The following BAIAP2L1 variants were observed in gnomAD, a reference collection of about 807,000 sequenced individuals.
BAIAP2L1 encodes BAR/IMD domain-containing adapter protein 2-like 1.
BAIAP2L1 carries 35 observed loss-of-function variants against 66.3 expected under a neutral mutation model. That is an observed-to-expected ratio of 0.53 (90% confidence interval 0.40 to 0.70). The LOEUF (loss-of-function observed/expected upper bound fraction) is 0.70, where lower values mean the gene tolerates loss of function less well. BAIAP2L1 is among the 30% of genes least tolerant of loss of function. The pLI, the probability that BAIAP2L1 is intolerant of heterozygous loss-of-function variation, is 0.00. For missense variants in BAIAP2L1, 622 were observed against 656.9 expected (o/e 0.95, Z 0.58); for synonymous variants, 269 against 248.7 (o/e 1.08, Z -0.77).
At chr7:98,374,037 T>C (rs1174997577) in intron 1 of BAIAP2L1, among the ~76,000 whole-genome samples, 2 of 152,140 alleles carry the variant, frequency 1.3e-5, no homozygotes, top group Non-Finnish European at 2.9e-5. Flanking sequence ...ACTGCAGCCT[T>C]GACCTCCTGA....
Position 98,310,579 on chromosome 7 carries a change from T to C in BAIAP2L1, c.821A>G (p.Tyr274Cys). ...TGGTGAGCATTTAGAAAGGGTGTCG[T>C]AATCTTTCCTAACCTGTGAAAAATT... ...IERSNVVRKD[Y>C]DTLSKCSPKM... The change falls in exon 9 of 14, where the codon TAC becomes TGC. Residue 274 changes from tyrosine (Y) to cysteine (C), a missense_variant. Tyr to Cys is a radical substitution (Grantham distance 194, BLOSUM62 -2). Transcript: ENST00000005260. The C allele has an allele frequency of 6.3e-7, 1 of 1,588,774 alleles. No individual in the cohort carries two copies. Among genetic ancestry groups the C allele is most frequent in the Non-Finnish European group, 8.5e-7 (1 of 1,172,674 alleles).
chr7:98,379,769 C>T (rs138224036), intron 1 of BAIAP2L1, among the ~76,000 whole-genome samples: 1 of 152,120 alleles, frequency 6.6e-6, no homozygotes, highest in African/African-American at 2.4e-5. Context: ...AGACACTCTA[C>T]AACATAGATA....
At chr7:98,379,319 G>A (rs769118720) in intron 1 of BAIAP2L1, among the ~76,000 whole-genome samples, 8 of 152,134 alleles carry the variant, frequency 5.3e-5, no homozygotes, top group Non-Finnish European at 1.0e-4. Context: ...CTGCACCCAC[G>A]GACGAACCAG....
chr7:98,310,555 G>A lies in BAIAP2L1; in HGVS notation c.845C>T (p.Pro282Leu). ...GCCTGAAGGAGCGGGGGGCATCTTTGGTGAGCATTTAGAAAGGGTGTCGTA... is the reference window on the plus strand; with the variant it reads ...GCCTGAAGGAGCGGGGGGCATCTTTAGTGAGCATTTAGAAAGGGTGTCGTA... ...KDYDTLSKCS[P>L]KMPPAPSGRA... is the part of the protein sequence containing the mutation. Residue 282 changes from proline (P) to leucine (L), a missense_variant, in exon 9 of 14, where the codon CCA becomes CTA. Physicochemically the swap from Pro to Leu is moderately conservative, Grantham distance 98. Coordinates refer to ENST00000005260, the MANE Select transcript of BAIAP2L1 (RefSeq NM_018842.5). 6.3e-7 allele frequency: 1 copy of A among 1,591,256 alleles called. No individual in the cohort carries two copies. The highest frequency in any genetic ancestry group is 8.5e-7 in the Non-Finnish European group (1 of 1,173,630).
chr7:98,332,819 A>AAG, intron 3 of BAIAP2L1, among the ~76,000 whole-genome samples: 1 of 151,068 alleles, frequency 6.6e-6, no homozygotes, highest in East Asian at 1.9e-4. Context: ...CAAAAAAAAA[A>AAG]AAAAAAAAAA....
intron 3 of BAIAP2L1, among the ~76,000 whole-genome samples, chr7:98,347,631 C>T (rs1006135207): frequency 6.6e-5 from 10 of 151,980 alleles, no homozygotes; most frequent in Non-Finnish European, 1.3e-4. Flanking sequence ...AAAAATTAGC[C>T]GGGCGCCGTG....
At chr7:98,385,203 G>A (rs1169267221) in intron 1 of BAIAP2L1, among the ~76,000 whole-genome samples, 1 of 151,782 alleles carries the variant, frequency 6.6e-6, no homozygotes, top group Non-Finnish European at 1.5e-5. Flanking sequence ...AGCTACTCAG[G>A]AGGCAGAGGT....
rs546676078 is a variant in BAIAP2L1, at chr7:98,393,622, C to T, written c.51+7180G>A. 4.3e-3 allele frequency among the ~76,000 whole-genome samples: 658 copies of T among 151,798 alleles called. 1 individual carries two copies. Among genetic ancestry groups the T allele is most frequent in the African/African-American group, 0.015 (623 of 41,466 alleles). On this transcript the variant is annotated intron_variant, in intron 1 of 13. Coordinates refer to ENST00000005260, the MANE Select transcript of BAIAP2L1 (RefSeq NM_018842.5). ...ACGCCATTCTCCCGCCTCAGCCTCC[C>T]GAGTAGCTGGGACTACAGCCTCCCG...
At chr7:98,323,984 G>A (rs1444435745) in intron 3 of BAIAP2L1, among the ~76,000 whole-genome samples, 1 of 152,090 alleles carries the variant, frequency 6.6e-6, no homozygotes, top group Admixed American at 6.5e-5. Flanking sequence ...CTCTTAGTTC[G>A]GTAACCTACT....
chr7:98,339,969 G>A (rs956839812), intron 3 of BAIAP2L1, among the ~76,000 whole-genome samples: 1 of 152,122 alleles, frequency 6.6e-6, no homozygotes, highest in Non-Finnish European at 1.5e-5. Flanking sequence ...CTTGGCCAGC[G>A]GTCCTTTGGC....
chr7:98,357,801 C>T (rs1010546953), intron 2 of BAIAP2L1, among the ~76,000 whole-genome samples: 2 of 152,104 alleles, frequency 1.3e-5, no homozygotes, highest in Admixed American at 6.6e-5. Context: ...CAGCCCGTTG[C>T]GCTAAGGGCA....
In BAIAP2L1 at chr7:98,295,019, CTG is replaced by C. The variant is rs773163028; in HGVS notation, c.1423-910_1423-909del. Among the ~76,000 whole-genome samples the C allele has an allele frequency of 2.5e-4, 38 of 152,340 alleles. No individual in the cohort carries two copies. In the East Asian group the frequency reaches 2.9e-3, roughly 12 times the overall value. ...CCGCCCAGGAGAGGGCAGTGTAACA[CTG>C]TGTAACCAGCCTGTGGCCCGGCCAC... On this transcript the variant is annotated intron_variant, in intron 12 of 13. Coordinates refer to ENST00000005260, the MANE Select transcript of BAIAP2L1 (RefSeq NM_018842.5).
chr7:98,341,408 T>C, intron 3 of BAIAP2L1, among the ~76,000 whole-genome samples: 1 of 152,090 alleles, frequency 6.6e-6, no homozygotes, highest in Non-Finnish European at 1.5e-5. Flanking sequence ...ACAGTCCAGG[T>C]GCAGTGGCTC....
intron 2 of BAIAP2L1, among the ~76,000 whole-genome samples, chr7:98,361,737 T>C (rs527255600): frequency 2.6e-5 from 4 of 152,144 alleles, no homozygotes; most frequent in East Asian, 3.9e-4. Context: ...AAAAATTTCT[T>C]CTTTTTTTTC....
Position 98,336,318 on chromosome 7 carries a change from T to C in BAIAP2L1, c.215-16020A>G, listed in dbSNP as rs543731920. Among the ~76,000 whole-genome samples, 8 of 151,980 alleles carry C rather than the reference T, an allele frequency of 5.3e-5. No homozygotes were observed. The South Asian group carries it at 1.7e-3, about 32-fold the overall frequency. On this transcript the variant is annotated intron_variant, in intron 3 of 13. Transcript: ENST00000005260. ...AAATATAAGTTGAAAGTAAAATAAA[T>C]AAATGCATAAATAGGCCAGGCGTGG... is the stretch of plus-strand genomic sequence containing the variant.
At chr7:98,398,379 A>G (rs1296795841) in intron 1 of BAIAP2L1, among the ~76,000 whole-genome samples, 1 of 152,088 alleles carries the variant, frequency 6.6e-6, no homozygotes, top group Non-Finnish European at 1.5e-5. Context: ...TTCACTTTGC[A>G]CTGCCAAAGC....
chr7:98,369,919 G>A (rs1427872410), intron 1 of BAIAP2L1, among the ~76,000 whole-genome samples: 2 of 151,886 alleles, frequency 1.3e-5, no homozygotes, highest in African/African-American at 2.4e-5. Context: ...TGATTCATCC[G>A]CCTCAGCCTC....
At chr7:98,386,017 T>C (rs529436082) in intron 1 of BAIAP2L1, 87 of 1,384,544 alleles carry the variant, frequency 6.3e-5, no homozygotes, top group Non-Finnish European at 8.3e-5. Flanking sequence ...TCCAATGCTG[T>C]CTGGAATCAA....
At chr7:98,360,674 G>C (rs1477778054) in intron 2 of BAIAP2L1, among the ~76,000 whole-genome samples, 1 of 151,918 alleles carries the variant, frequency 6.6e-6, no homozygotes, top group Admixed American at 6.6e-5. Context: ...AAAAACTGCA[G>C]GTCACAGTGA....
Sources: allele counts gnomAD v4.1 joint callset (sites outside exome capture counted in the v4.1 genomes callset), GRCh38; gene constraint gnomAD v4.1.1; transcripts MANE v1.5; gene names NCBI Gene and HGNC (gene_info 2026-07-23, HGNC 2026-07-21).